Variants in ABCB5 observed in about 807,000 individuals in gnomAD.
ABCB5 encodes ATP binding cassette subfamily B member 5, also known as ATP-binding cassette sub-family B member 5.
A neutral mutation model predicts 144.2 loss-of-function variants in ABCB5; 155 were observed. The observed-to-expected ratio is 1.08, with a 90% confidence interval of 0.94 to 1.23. The LOEUF is 1.23. Among genes scored for constraint, ABCB5 ranks in the 50% most tolerant of loss-of-function variants. The probability of loss-of-function intolerance (pLI) is 0.00; values close to 1 mark genes in which losing one functional copy is unlikely to be tolerated. For synonymous variants in ABCB5, 610 were observed against 528.6 expected, an observed-to-expected ratio of 1.15 and a Z score of -2.11; for missense variants, 1,830 against 1,520.8, an observed-to-expected ratio of 1.20 and a Z score of -3.38.
In ABCB5 at chr7:20,743,036, C is replaced by A; in HGVS notation, c.3184C>A (p.Leu1062Ile). The change falls in exon 25 of 28, where the codon CTT becomes ATT. Residue 1062 changes from leucine (L) to isoleucine (I), a missense_variant. Leu to Ile is a conservative substitution (Grantham distance 5). Coordinates refer to ENST00000404938, the MANE Select transcript of ABCB5 (RefSeq NM_001163941.2). Reference sequence around the variant, plus strand: ...CTGTGGGAAAAGCACTTCTGTTCAACTTCTGCAGAGACTTTATGACCCCGT... The same window carrying A: ...CTGTGGGAAAAGCACTTCTGTTCAAATTCTGCAGAGACTTTATGACCCCGT... Reference protein sequence around the residue: ...SGCGKSTSVQLLQRLYDPVQG... With the variant: ...SGCGKSTSVQILQRLYDPVQG... The A allele has an allele frequency of 6.2e-7, 1 of 1,614,132 alleles. No individual in the cohort carries two copies. The highest frequency in any genetic ancestry group is 8.5e-7 in the Non-Finnish European group (1 of 1,179,990).
At chr7:20,685,065 G>C (rs1466954027) in intron 15 of ABCB5, among the ~76,000 whole-genome samples, 1 of 152,114 alleles carries the variant, frequency 6.6e-6, no homozygotes, top group Non-Finnish European at 1.5e-5. Flanking sequence ...TGGCCAGGCT[G>C]GTCTGAAACT....
rs201089885 is a variant in ABCB5 at position 20,739,032 on chromosome 7, G to A, written c.2917G>A (p.Val973Ile). 144 of 1,611,730 alleles carry A rather than the reference G, an allele frequency of 8.9e-5. No homozygotes were observed. The highest frequency in any genetic ancestry group is 4.5e-5 in the East Asian group (2 of 44,708). The change falls in exon 24 of 28, where the codon GTT becomes ATT. Residue 973 changes from valine to isoleucine, a missense_variant. Coordinates refer to ENST00000404938, the MANE Select transcript of ABCB5 (RefSeq NM_001163941.2). ...YGAMAIGETL[V>I]LAPEYSKAKS... is the part of the protein sequence containing the mutation. ...AGCTATGGCCATCGGAGAAACGCTC[G>A]TTTTGGCTCCTGAATATTCCAAAGC...
intron 23 of ABCB5, among the ~76,000 whole-genome samples, chr7:20,736,451 C>T (rs971233170): frequency 3.3e-5 from 5 of 152,062 alleles, no homozygotes; most frequent in African/African-American, 4.8e-5. Context: ...CTCCTGACCT[C>T]GTGATCCACC....
chr7:20,629,073 C>A (rs540507403), intron 4 of ABCB5, among the ~76,000 whole-genome samples: 1 of 151,322 alleles, frequency 6.6e-6, no homozygotes, highest in African/African-American at 2.4e-5. Context: ...ACAAAATCCC[C>A]TATTAGTCAG....
At chr7:20,728,820 T>C (rs758565962) in intron 23 of ABCB5, among the ~76,000 whole-genome samples, 1 of 152,242 alleles carries the variant, frequency 6.6e-6, no homozygotes, top group Non-Finnish European at 1.5e-5. Context: ...ATGTACTTAT[T>C]TACCAGAAAG....
At chr7:20,628,662 G>C (rs778037275) in intron 3 of ABCB5, 26 bp from the exon 4 acceptor site, 22 of 1,603,006 alleles carry the variant, frequency 1.4e-5, no homozygotes, top group Admixed American at 5.1e-5. Context: ...TACAGTTGTG[G>C]TGCTACCGTG....
intron 19 of ABCB5, among the ~76,000 whole-genome samples, chr7:20,701,334 C>A (rs1310364174): frequency 6.6e-6 from 1 of 152,122 alleles, no homozygotes; most frequent in African/African-American, 2.4e-5. Flanking sequence ...TTGACTATTT[C>A]TGCTCATTTT....
chr7:20,732,575 G>A (rs1264290312), intron 23 of ABCB5, among the ~76,000 whole-genome samples: 1 of 152,082 alleles, frequency 6.6e-6, no homozygotes, highest in Non-Finnish European at 1.5e-5. Context: ...TACATAATTA[G>A]GCAGTACAGT....
At chr7:20,644,508 A>T (rs1784361696) in intron 7 of ABCB5, among the ~76,000 whole-genome samples, 1 of 152,248 alleles carries the variant, frequency 6.6e-6, no homozygotes, top group South Asian at 2.1e-4. Flanking sequence ...TTACATTTTT[A>T]GCACTGTTTT....
At position 20,645,889 on chromosome 7, in the gene ABCB5, T is replaced by C. The variant is rs140569153; in HGVS notation, c.803+9T>C. 4.2e-5 allele frequency: 67 copies of C among 1,612,564 alleles called. No individual in the cohort carries two copies. The African/African-American group carries it at 8.1e-4, about 20-fold the overall frequency. On this transcript the variant is annotated intron_variant, in intron 8 of 27. Coordinates refer to ENST00000404938, the MANE Select transcript of ABCB5 (RefSeq NM_001163941.2). The stretch of plus-strand genomic sequence containing the variant: ...GAGAAAGAACTTCAAAGGTCTTTCC[T>C]TTTAAATATAACAAGATATGCTTGG...
At chr7:20,648,159 T>C (rs1667685294) in intron 11 of ABCB5, 81 bp downstream of exon 11, 2 of 860,050 alleles carry the variant, frequency 2.3e-6, no homozygotes, top group South Asian at 1.7e-5. Context: ...ACATGATTAC[T>C]TAGGATCACT....
At chr7:20,719,942 TACACACACACACAC>T (rs10533720) in intron 20 of ABCB5, among the ~76,000 whole-genome samples, 5 of 148,792 alleles carry the variant, frequency 3.4e-5, no homozygotes, top group African/African-American at 4.9e-5. Context: ...TACCTATCAA[TACACACACACACAC>T]ACACACACAC....
At chr7:20,738,858 C>A in intron 23 of ABCB5, 125 bp from the exon 24 acceptor site, 1 of 1,056,952 alleles carries the variant, frequency 9.5e-7, no homozygotes, top group Non-Finnish European at 1.3e-6. Flanking sequence ...GGGTCTTCAG[C>A]GTTAGGGGTG....
At chr7:20,683,779 C>G (rs1785902160) in intron 15 of ABCB5, among the ~76,000 whole-genome samples, 1 of 152,122 alleles carries the variant, frequency 6.6e-6, no homozygotes, top group Non-Finnish European at 1.5e-5. Flanking sequence ...TACACAAACA[C>G]TTTTGAAATG....
At chr7:20,704,383 A>G (rs897258775) in intron 19 of ABCB5, among the ~76,000 whole-genome samples, 2 of 152,018 alleles carry the variant, frequency 1.3e-5, no homozygotes, top group Non-Finnish European at 2.9e-5. Flanking sequence ...TCATCGCCTT[A>G]CTTTTGAATT....
intron 16 of ABCB5, among the ~76,000 whole-genome samples, chr7:20,697,991 G>T (rs1255315490): frequency 6.6e-6 from 1 of 152,162 alleles, no homozygotes; most frequent in Non-Finnish European, 1.5e-5. Flanking sequence ...AGATCGTAAT[G>T]AAACTTTTAC....
intron 9 of ABCB5, 106 bp from the exon 10 acceptor site, chr7:20,647,429 C>T: frequency 7.2e-7 from 1 of 1,391,414 alleles, no homozygotes; most frequent in Non-Finnish European, 9.3e-7. Flanking sequence ...TTACCTAATT[C>T]CTCTAATATC....
intron 14 of ABCB5, among the ~76,000 whole-genome samples, chr7:20,679,254 G>A (rs1371496882): frequency 6.6e-6 from 1 of 152,020 alleles, no homozygotes. Flanking sequence ...GATCACCTGA[G>A]ATCAGGAGTT....
chr7:20,623,918 A>C (rs1238386917), intron 2 of ABCB5, among the ~76,000 whole-genome samples: 1 of 152,234 alleles, frequency 6.6e-6, no homozygotes, highest in African/African-American at 2.4e-5. Context: ...GTAGTTTATT[A>C]ATTCAGAAAA....
Sources: gnomAD v4.1 joint callset for allele counts (sites outside exome capture counted in the v4.1 genomes callset) on GRCh38, gnomAD v4.1.1 for gene constraint, MANE v1.5 for transcripts, NCBI Gene and HGNC (gene_info 2026-07-23, HGNC 2026-07-21) for gene names.